The following NRF1 variants were observed in gnomAD, a reference collection of about 807,000 sequenced individuals.
NRF1 encodes the protein alpha palindromic-binding protein.
A neutral mutation model predicts 58.5 loss-of-function variants in NRF1; 5 were observed. That is an observed-to-expected ratio of 0.09 (90% CI 0.04 to 0.18). NRF1 has a LOEUF of 0.18. Among genes scored for constraint, NRF1 ranks in the 10% least tolerant of loss-of-function variants. NRF1 has a pLI of 1.00. For synonymous variants in NRF1, 224 were observed against 246.7 expected (o/e 0.91, Z 0.86); for missense variants, 288 against 657.7 (o/e 0.44, Z 6.15).
At chr7:129,730,867 C>G (rs1400350934) in intron 10 of NRF1, among the ~76,000 whole-genome samples, 2 of 151,824 alleles carry the variant, frequency 1.3e-5, no homozygotes, top group African/African-American at 4.8e-5. Context: ...GTCCCAGCTA[C>G]TTGGGGGTCT....
intron 5 of NRF1, among the ~76,000 whole-genome samples, chr7:129,698,006 A>G (rs1802739112): frequency 1.3e-5 from 2 of 152,188 alleles, no homozygotes; most frequent in Non-Finnish European, 2.9e-5. Context: ...TTTTAGGATT[A>G]CAGGTGTGAG....
chr7:129,675,494 T>G (rs1170226437), intron 3 of NRF1, among the ~76,000 whole-genome samples: 2 of 152,236 alleles, frequency 1.3e-5, no homozygotes, highest in Non-Finnish European at 2.9e-5. Flanking sequence ...CCTTTCAAAA[T>G]GTATTTCTTA....
At chr7:129,747,038 G>A (rs1803993026) in intron 10 of NRF1, among the ~76,000 whole-genome samples, 1 of 152,174 alleles carries the variant, frequency 6.6e-6, no homozygotes, top group African/African-American at 2.4e-5. Flanking sequence ...CTTGTCGTGG[G>A]GTGAGGGGAG....
chr7:129,706,406 T>A (rs900265213), intron 5 of NRF1, among the ~76,000 whole-genome samples: 1 of 151,922 alleles, frequency 6.6e-6, no homozygotes, highest in Non-Finnish European at 1.5e-5. Context: ...GCCAAAAAAT[T>A]AGAATAAAGG....
chr7:129,649,829 C>T (rs904368410), intron 1 of NRF1, among the ~76,000 whole-genome samples: 5 of 152,168 alleles, frequency 3.3e-5, no homozygotes, highest in Non-Finnish European at 7.3e-5. Context: ...TCTTGGCTCA[C>T]TGAAGCCTTG....
chr7:129,615,787 GT>G (rs777792853), intron 1 of NRF1, among the ~76,000 whole-genome samples: 23 of 152,206 alleles, frequency 1.5e-4, no homozygotes, highest in Admixed American at 5.2e-4. Context: ...ACTTTCTTGG[GT>G]TTTCAGTTAG....
At chr7:129,678,325 G>A (rs1397293378) in intron 4 of NRF1, among the ~76,000 whole-genome samples, 4 of 151,930 alleles carry the variant, frequency 2.6e-5, no homozygotes, top group East Asian at 3.9e-4. Flanking sequence ...TCTTTCTTGC[G>A]CCAAATTAAC....
chr7:129,690,311 C>T (rs1802534786), intron 4 of NRF1, 95 bp from the exon 5 acceptor site: 1 of 1,324,828 alleles, frequency 7.5e-7, no homozygotes, highest in Non-Finnish European at 1.0e-6. Flanking sequence ...TGCAATGGCT[C>T]AGGAAGGCCA....
Position 129,671,514 on chromosome 7 carries a change from C to G in NRF1, c.309C>G (p.Ile103Met). 1 of 1,611,610 alleles carries G rather than the reference C, an allele frequency of 6.2e-7. No homozygotes were observed. The highest frequency in any genetic ancestry group is 8.5e-7 in the Non-Finnish European group (1 of 1,177,692). The part of the protein sequence containing the change: ...RPHVFESNPS[I>M]RKRQQTRLLR... ...ATGTATTTGAGTCTAATCCATCTATCCGGAAGAGGCAACAAACACGTTTGC... is the reference window on the plus strand; with the variant it reads ...ATGTATTTGAGTCTAATCCATCTATGCGGAAGAGGCAACAAACACGTTTGC... Residue 103 changes from isoleucine (I) to methionine (M), a missense_variant, in exon 3 of 11, where the codon ATC becomes ATG. Ile to Met is a conservative substitution (Grantham distance 10, BLOSUM62 1). Around this residue, in one of 3 missense-constraint regions of NRF1, gnomAD observed 212 missense variants for 559.7 expected, o/e 0.38. Transcript: ENST00000393232.
chr7:129,688,969 A>G (rs1046822599), intron 4 of NRF1, among the ~76,000 whole-genome samples: 4 of 152,174 alleles, frequency 2.6e-5, no homozygotes, highest in South Asian at 2.1e-4. Context: ...CATAAATACT[A>G]TCTAGACTAC....
chr7:129,675,763 A>G lies in NRF1; in HGVS notation c.339-1869A>G, dbSNP rs891297971. On this transcript the variant is annotated intron_variant, in intron 3 of 10. Transcript: ENST00000393232. The stretch of plus-strand genomic sequence containing the variant: ...ACTGCCATCCAGGTTTTATTGTTCT[A>G]TTTATAGAGGACAGGCAGAGTAGAT... Among the ~76,000 whole-genome samples the G allele has an allele frequency of 6.6e-5, 10 of 152,178 alleles. 1 individual carries two copies. The highest frequency in any genetic ancestry group is 4.6e-4 in the Admixed American group (7 of 15,278).
chr7:129,689,665 A>G (rs1006984012), intron 4 of NRF1, among the ~76,000 whole-genome samples: 1 of 152,240 alleles, frequency 6.6e-6, no homozygotes, highest in African/African-American at 2.4e-5. Flanking sequence ...AAGTTGAGAC[A>G]TGTAACTGGC....
intron 1 of NRF1, among the ~76,000 whole-genome samples, chr7:129,629,894 A>G (rs1241782966): frequency 6.6e-6 from 1 of 152,222 alleles, no homozygotes; most frequent in Non-Finnish European, 1.5e-5. Context: ...TTGCTTTTGC[A>G]TCATAAGTGT....
chr7:129,623,407 G>T, intron 1 of NRF1, among the ~76,000 whole-genome samples: 1 of 151,500 alleles, frequency 6.6e-6, no homozygotes. Context: ...TTATCTCTAG[G>T]GAATTCAAAA....
chr7:129,698,442 G>C (rs1046166156), intron 5 of NRF1, among the ~76,000 whole-genome samples: 3 of 152,002 alleles, frequency 2.0e-5, no homozygotes, highest in Non-Finnish European at 2.9e-5. Context: ...ATAGTGGCTG[G>C]AACTTATTCT....
At chr7:129,721,279 T>C (rs1803315848) in intron 9 of NRF1, among the ~76,000 whole-genome samples, 1 of 152,078 alleles carries the variant, frequency 6.6e-6, no homozygotes, top group Non-Finnish European at 1.5e-5. Context: ...TCTAAAGTAG[T>C]GGAAACTTAC....
chr7:129,671,714 C>A (rs182955957), intron 3 of NRF1, among the ~76,000 whole-genome samples, 171 bp downstream of exon 3: 1 of 152,224 alleles, frequency 6.6e-6, no homozygotes, highest in East Asian at 1.9e-4. Context: ...CAAAGAAATA[C>A]GATTTAACAG....
chr7:129,679,396 A>G (rs1184041810), intron 4 of NRF1, among the ~76,000 whole-genome samples: 4 of 152,234 alleles, frequency 2.6e-5, no homozygotes, highest in Non-Finnish European at 5.9e-5. Flanking sequence ...CTTTTATCAT[A>G]TGTAGAGAAT....
At chr7:129,651,494 G>T (rs1405657440) in intron 1 of NRF1, among the ~76,000 whole-genome samples, 1 of 152,016 alleles carries the variant, frequency 6.6e-6, no homozygotes, top group African/African-American at 2.4e-5. Context: ...GAGGCTCTGG[G>T]CAGAAATGGC....
Sources: gnomAD v4.1 joint callset for allele counts (sites outside exome capture counted in the v4.1 genomes callset) on GRCh38, gnomAD v4.1.1 for gene constraint, gnomAD v4.1.1 regional missense constraint, MANE v1.5 for transcripts, NCBI Gene and HGNC (gene_info 2026-07-23, HGNC 2026-07-21) for gene names.